TRIM14: variants seen among roughly 807,000 people sequenced by gnomAD.
The protein encoded by TRIM14 is tripartite motif containing 14.
In TRIM14, 28 loss-of-function variants were observed where a neutral mutation model predicts 44.5. The ratio of observed to expected loss-of-function variants is 0.63; its 90% confidence interval spans 0.47 to 0.86. The LOEUF is 0.86. TRIM14 is among the 40% of genes least tolerant of loss of function. The pLI, the probability that TRIM14 is intolerant of heterozygous loss-of-function variation, is 0.00. For synonymous variants in TRIM14, 299 were observed against 269.2 expected (o/e 1.11, Z -1.08); for missense variants, 607 against 611.1 (o/e 0.99, Z 0.07).
At chr9:98,076,196 T>C (rs1216864736) in intron 6 of TRIM14, 4 of 152,206 alleles carry the variant, frequency 2.6e-5, no homozygotes, top group African/African-American at 4.8e-5. Context: ...TCGCCAAGAA[T>C]TGAAATAGCC....
In TRIM14 at chr9:98,119,142, A is replaced by G; in HGVS notation, c.47T>C (p.Leu16Pro). The change falls in exon 1 of 6, where the codon CTT becomes CCT. Residue 16 changes from leucine (L) to proline (P), a missense_variant. Leu to Pro is a moderately conservative substitution (Grantham distance 98). This residue lies in a region of TRIM14 where 246 missense variants were observed against 270.8 expected (regional missense o/e 0.91). Coordinates refer to ENST00000341469, the MANE Select transcript of TRIM14 (RefSeq NM_014788.4). ...GCAGCGCCAGCCGCATCCCTCGACA[A>G]GCTCCGACCTCCCAGGGGTCCGGCT... The part of the protein sequence containing the change: ...TGSRTPGRSE[L>P]VEGCGWRCPE... The G allele has an allele frequency of 6.3e-7, 1 of 1,585,740 alleles. No individual in the cohort carries two copies.
the TRIM14 span, among the ~76,000 whole-genome samples, chr9:98,042,743 A>G: frequency 0.38 from 57,311 of 151,570 alleles, 13,230 homozygotes; most frequent in African/African-American, 0.65. Context: ...GGTGGTGCGC[A>G]CCTGTAGTAC....
At chr9:98,102,860 T>TA (rs1201689812) in intron 2 of TRIM14, among the ~76,000 whole-genome samples, 1 of 150,814 alleles carries the variant, frequency 6.6e-6, no homozygotes, top group Admixed American at 6.6e-5. Flanking sequence ...TTTATCACCA[T>TA]AAAAAAAAAG....
At position 98,087,075 on chromosome 9, in the gene TRIM14, C is replaced by G. The variant is rs1158262461; in HGVS notation, c.*395G>C. The G allele has an allele frequency of 5.0e-6, 2 of 396,202 alleles. No individual in the cohort carries two copies. The highest frequency in any genetic ancestry group is 1.0e-5 in the Non-Finnish European group (2 of 199,570). 24.5% of individuals were successfully genotyped at this position (396,202 alleles called of 1,614,324 possible). A position where few individuals can be genotyped will look rare whatever the true frequency, so the allele number is the denominator to read the frequency against. On this transcript the variant is annotated 3_prime_UTR_variant, in exon 6 of 6. Coordinates refer to ENST00000341469, the MANE Select transcript of TRIM14 (RefSeq NM_014788.4). ...CAGGACTGGATGACTCCCATTCATT[C>G]ACAAACGTTTACTGTGTGCCTACTA...
chr9:98,079,728 C>A (rs1273116823), downstream of TRIM14, among the ~76,000 whole-genome samples: 3 of 152,342 alleles, frequency 2.0e-5, no homozygotes, highest in South Asian at 6.2e-4. Flanking sequence ...TCCGTCCCCA[C>A]TCAAGGTGCT....
intron 6 of TRIM14, among the ~76,000 whole-genome samples, chr9:98,077,458 C>A (rs1829642283): frequency 6.6e-6 from 1 of 151,668 alleles, no homozygotes; most frequent in African/African-American, 2.4e-5. Flanking sequence ...GATCCTCCTA[C>A]TTCAGCCTCC....
At chr9:98,098,682 C>A (rs533618432) in intron 3 of TRIM14, among the ~76,000 whole-genome samples, 11 of 151,600 alleles carry the variant, frequency 7.3e-5, no homozygotes, top group African/African-American at 2.2e-4. Context: ...CCAGCCTGGG[C>A]GACAGAGCAA....
intron 6 of TRIM14, chr9:98,076,982 A>T (rs1201539819): frequency 6.2e-7 from 1 of 1,611,146 alleles, no homozygotes; most frequent in Admixed American, 1.7e-5. Flanking sequence ...GGAGACACTA[A>T]TAATTTTCCT....
chr9:98,049,043 TAA>T, the TRIM14 span, among the ~76,000 whole-genome samples: 1 of 149,466 alleles, frequency 6.7e-6, no homozygotes, highest in African/African-American at 2.5e-5. Flanking sequence ...GAGTAAGGAA[TAA>T]AGAGTGGCTA....
At chr9:98,057,905 T>C in the TRIM14 span, among the ~76,000 whole-genome samples, 6 of 144,288 alleles carry the variant, frequency 4.2e-5, no homozygotes, top group African/African-American at 1.6e-4. Flanking sequence ...TCTTACTGTT[T>C]TTTTTTTTTT....
the TRIM14 span, among the ~76,000 whole-genome samples, chr9:98,049,234 C>A: frequency 6.8e-6 from 1 of 148,084 alleles, no homozygotes; most frequent in Non-Finnish European, 1.5e-5. Flanking sequence ...CCCAGCTACT[C>A]AGGAGGCTGA....
intron 1 of TRIM14, among the ~76,000 whole-genome samples, chr9:98,115,084 A>G (rs1413881756): frequency 6.6e-6 from 1 of 151,734 alleles, no homozygotes; most frequent in African/African-American, 2.4e-5. Flanking sequence ...TTTTATTTTC[A>G]TTTTTAAATT....
chr9:98,076,780 T>G (rs1829610154), intron 6 of TRIM14: 1 of 652,886 alleles, frequency 1.5e-6, no homozygotes, highest in Non-Finnish European at 2.6e-6. Context: ...AACAAATCTT[T>G]GCCTGCTTTC....
At chr9:98,064,420 G>GT (rs551580888), downstream of TRIM14, among the ~76,000 whole-genome samples, 330 of 152,018 alleles carry the variant, frequency 2.2e-3, 1 homozygote, top group African/African-American at 7.5e-3. Flanking sequence ...CACACGGCTA[G>GT]TTTTTGTATA....
intron 5 of TRIM14, among the ~76,000 whole-genome samples, chr9:98,090,974 G>A (rs906339263): frequency 6.6e-6 from 1 of 152,102 alleles, no homozygotes; most frequent in Non-Finnish European, 1.5e-5. Context: ...ACCATTCTTT[G>A]GTTTCCCTCT....
downstream of TRIM14, among the ~76,000 whole-genome samples, chr9:98,082,531 T>A (rs761839873): frequency 2.0e-5 from 3 of 152,182 alleles, no homozygotes; most frequent in African/African-American, 7.2e-5. Flanking sequence ...ACAGGATAAG[T>A]TTCCATTTGA....
At chr9:98,106,446 C>G (rs1393267357) in intron 2 of TRIM14, among the ~76,000 whole-genome samples, 1 of 152,206 alleles carries the variant, frequency 6.6e-6, no homozygotes, top group East Asian at 1.9e-4. Context: ...AGATCCCATG[C>G]CATGGGAGTA....
At chr9:98,052,331 A>G in the TRIM14 span, among the ~76,000 whole-genome samples, 91 of 148,752 alleles carry the variant, frequency 6.1e-4, no homozygotes, top group Non-Finnish European at 7.5e-5. Context: ...AAAACAATTC[A>G]GTTGACTGAA....
chr9:98,099,053 C>A (rs1429560435), intron 3 of TRIM14, among the ~76,000 whole-genome samples: 1 of 152,142 alleles, frequency 6.6e-6, no homozygotes, highest in Admixed American at 6.5e-5. Context: ...CTCAACAAAG[C>A]CCAGTGGCCA....
Sources: allele counts gnomAD v4.1 joint callset (sites outside exome capture counted in the v4.1 genomes callset), GRCh38; gene constraint gnomAD v4.1.1; regional missense constraint gnomAD v4.1.1; transcripts MANE v1.5; gene names NCBI Gene and HGNC (gene_info 2026-07-23, HGNC 2026-07-21).